OR3A2: variants seen among roughly 807,000 people sequenced by gnomAD.
The protein encoded by OR3A2 is olfactory receptor family 3 subfamily A member 2.
For synonymous variants in OR3A2, 126 were observed against 159.3 expected, an observed-to-expected ratio of 0.79 and a Z score of 1.57; for missense variants, 318 against 392.8, an observed-to-expected ratio of 0.81 and a Z score of 1.61.
chr17:3,349,824 C>A (rs560204905), intron 2 of OR3A2, among the ~76,000 whole-genome samples: 1 of 151,988 alleles, frequency 6.6e-6, no homozygotes, highest in African/African-American at 2.4e-5. Flanking sequence ...GAAATTATAA[C>A]AAACTATCTC....
upstream of OR3A2, among the ~76,000 whole-genome samples, chr17:3,286,755 A>G (rs573821205): frequency 9.2e-4 from 140 of 152,138 alleles, no homozygotes; most frequent in African/African-American, 3.0e-3. Flanking sequence ...TCCTTCGCTC[A>G]CTTTTTGATG....
intron 2 of OR3A2, among the ~76,000 whole-genome samples, chr17:3,367,232 T>A (rs1478757244): frequency 6.6e-6 from 1 of 152,150 alleles, no homozygotes; most frequent in East Asian, 1.9e-4. Context: ...TTTCAATAGA[T>A]TTTGGGGAAG....
chr17:3,300,456 G>A (rs1022061403), intron 3 of OR3A2, among the ~76,000 whole-genome samples: 1 of 152,152 alleles, frequency 6.6e-6, no homozygotes, highest in Admixed American at 6.5e-5. Context: ...CTACTCGGGA[G>A]GCTGAGGCAG....
intron 2 of OR3A2, among the ~76,000 whole-genome samples, chr17:3,356,041 T>C (rs2049463504): frequency 6.6e-6 from 1 of 151,428 alleles, no homozygotes; most frequent in Admixed American, 6.6e-5. Context: ...TACTGTCTCA[T>C]AACCCATTAT....
downstream of OR3A2, among the ~76,000 whole-genome samples, chr17:3,276,364 T>C (rs776528039): frequency 6.6e-6 from 1 of 152,108 alleles, no homozygotes. Context: ...AACGGGCATA[T>C]CATATATACA....
At chr17:3,291,645 G>T in intron 3 of OR3A2, 1 of 1,597,066 alleles carries the variant, frequency 6.3e-7, no homozygotes, top group South Asian at 1.1e-5. Flanking sequence ...TCAAGCCAGT[G>T]ACCGCCTCCC....
chr17:3,296,856 A>T (rs2048922464), intron 3 of OR3A2, among the ~76,000 whole-genome samples: 1 of 152,194 alleles, frequency 6.6e-6, no homozygotes, highest in South Asian at 2.1e-4. Flanking sequence ...AAAATGGAAA[A>T]ATTGTGTTAA....
chr17:3,385,523 A>G (rs989443939), intron 1 of OR3A2, among the ~76,000 whole-genome samples: 1 of 152,204 alleles, frequency 6.6e-6, no homozygotes, highest in African/African-American at 2.4e-5. Flanking sequence ...ATTATATGCC[A>G]GGCACTGTGC....
chr17:3,289,383 C>G (rs2048843922), intron 3 of OR3A2, among the ~76,000 whole-genome samples: 1 of 152,178 alleles, frequency 6.6e-6, no homozygotes, highest in Middle Eastern at 3.2e-3. Flanking sequence ...TGAACAGGGA[C>G]CTGGGAATCA....
At chr17:3,287,329 A>T (rs529898302), upstream of OR3A2, among the ~76,000 whole-genome samples, 3 of 139,208 alleles carry the variant, frequency 2.2e-5, no homozygotes, top group South Asian at 6.8e-4. Context: ...TGCACATTGT[A>T]CCCATTAAGT....
intron 2 of OR3A2, among the ~76,000 whole-genome samples, chr17:3,372,308 C>T (rs999771778): frequency 2.7e-4 from 40 of 149,372 alleles, no homozygotes; most frequent in African/African-American, 8.4e-4. Context: ...GATGGGATGG[C>T]GGCCGGGCAG....
intron 2 of OR3A2, among the ~76,000 whole-genome samples, chr17:3,378,493 T>A (rs2150668376): frequency 6.6e-6 from 1 of 152,234 alleles, no homozygotes; most frequent in Admixed American, 6.5e-5. Context: ...AGTGCAGGGA[T>A]GCTTGGGTCC....
intron 2 of OR3A2, among the ~76,000 whole-genome samples, chr17:3,382,901 C>T (rs1465563255): frequency 6.6e-6 from 1 of 152,178 alleles, no homozygotes; most frequent in Non-Finnish European, 1.5e-5. Context: ...AGGACAACGA[C>T]TGGCCTTTCT....
intron 3 of OR3A2, among the ~76,000 whole-genome samples, chr17:3,318,778 A>G (rs1159319062): frequency 6.6e-6 from 1 of 152,166 alleles, no homozygotes; most frequent in African/African-American, 2.4e-5. Flanking sequence ...ATGTATGTGT[A>G]TATTTTCAAC....
In OR3A2 at chr17:3,341,331, G is replaced by A. The variant is rs1050302628; in HGVS notation, c.-178-5205C>T. Among the ~76,000 whole-genome samples the A allele has an allele frequency of 2.4e-4, 36 of 152,264 alleles. 1 individual carries two copies. The highest frequency in any genetic ancestry group is 7.0e-4 in the African/African-American group (29 of 41,552). On this transcript the variant is annotated intron_variant, in intron 2 of 4. Coordinates refer to the OR3A2 transcript ENST00000573491. ...ATGATGTTAGCTGGTGATTTTGCCCGTTAATTGATGCAGTTTCTTCCTAGC... is the reference window on the plus strand; with the variant it reads ...ATGATGTTAGCTGGTGATTTTGCCCATTAATTGATGCAGTTTCTTCCTAGC...
intron 3 of OR3A2, chr17:3,291,311 G>A (rs549522892): frequency 1.2e-5 from 3 of 241,772 alleles, no homozygotes; most frequent in South Asian, 1.4e-4. Context: ...AACTAAGGCT[G>A]TAACCAACCA....
At chr17:3,322,708 C>G (rs9747826) in intron 3 of OR3A2, among the ~76,000 whole-genome samples, 44 of 151,942 alleles carry the variant, frequency 2.9e-4, no homozygotes, top group Admixed American at 2.9e-3. Context: ...ATTCTGAGTT[C>G]TAGTTTGATT....
chr17:3,291,814 A>G, intron 3 of OR3A2: 3 of 1,613,902 alleles, frequency 1.9e-6, no homozygotes, highest in Non-Finnish European at 2.5e-6. Flanking sequence ...AAGATACCTG[A>G]ACCATAGAAT....
intron 3 of OR3A2, among the ~76,000 whole-genome samples, chr17:3,318,953 T>C (rs2049097930): frequency 9.4e-6 from 1 of 106,360 alleles, no homozygotes; most frequent in Admixed American, 9.5e-5. Context: ...TTACTTTGCA[T>C]TTTTTTTAAA....
Sources: allele counts gnomAD v4.1 joint callset (sites outside exome capture counted in the v4.1 genomes callset), GRCh38; gene constraint gnomAD v4.1.1; transcripts MANE v1.5; gene names NCBI Gene and HGNC (gene_info 2026-07-23, HGNC 2026-07-21).